SPON1: variants seen among roughly 807,000 people sequenced by gnomAD.
SPON1 encodes spondin 1, also known as spondin-1.
SPON1 carries 52 observed loss-of-function variants against 111.7 expected under a neutral mutation model. That is an observed-to-expected ratio of 0.47 (90% CI 0.37 to 0.59). SPON1 has a LOEUF of 0.59. Among genes scored for constraint, SPON1 ranks in the 20% least tolerant of loss-of-function variants. The pLI, the probability that SPON1 is intolerant of heterozygous loss-of-function variation, is 0.00. For synonymous variants in SPON1, 410 were observed against 395.8 expected (o/e 1.04, Z -0.43); for missense variants, 957 against 1,068.5 (o/e 0.90, Z 1.46).
At chr11:14,057,538 A>G (rs781909253) in intron 3 of SPON1, among the ~76,000 whole-genome samples, 12 of 152,170 alleles carry the variant, frequency 7.9e-5, no homozygotes, top group Non-Finnish European at 1.6e-4. Flanking sequence ...TCTCATGGTT[A>G]TATTGTGGTT....
intron 2 of SPON1, among the ~76,000 whole-genome samples, chr11:13,988,561 CT>C (rs1447334622): frequency 1.3e-5 from 2 of 152,266 alleles, no homozygotes; most frequent in East Asian, 3.9e-4. Flanking sequence ...TCTGATTGCC[CT>C]GGCTAGAACT....
chr11:13,980,970 TC>T (rs1554909569), intron 1 of SPON1, among the ~76,000 whole-genome samples: 1 of 152,190 alleles, frequency 6.6e-6, no homozygotes. Flanking sequence ...ATACTTGAGA[TC>T]CCTTGAAGGT....
chr11:14,001,973 A>G (rs568048568), intron 2 of SPON1, among the ~76,000 whole-genome samples: 1 of 152,312 alleles, frequency 6.6e-6, no homozygotes, highest in Admixed American at 6.5e-5. Context: ...TCAACATATC[A>G]GAGGAGGGAA....
chr11:14,226,208 C>T (rs1848737269), intron 6 of SPON1, among the ~76,000 whole-genome samples: 1 of 152,222 alleles, frequency 6.6e-6, no homozygotes, highest in Non-Finnish European at 1.5e-5. Flanking sequence ...GGATTCAGAT[C>T]AAGCTCTTCG....
chr11:13,977,653 G>T (rs1195554958), intron 1 of SPON1, among the ~76,000 whole-genome samples: 2 of 151,938 alleles, frequency 1.3e-5, no homozygotes, highest in Admixed American at 1.3e-4. Flanking sequence ...ACTCTTAATG[G>T]TATCTTTTGA....
rs1246034391 is a variant in SPON1 at position 14,157,463 on chromosome 11, T to G, written c.825+21895T>G. On this transcript the variant is annotated intron_variant, in intron 6 of 15. Transcript: ENST00000576479. The stretch of plus-strand genomic sequence containing the variant: ...TTTTTACATAGCTGCTTTTAAGATT[T>G]TGTCTTTATCTCTGATTGTCAGTAG... Among the ~76,000 whole-genome samples, 6 of 151,784 alleles carry G rather than the reference T, an allele frequency of 4.0e-5. No individual in the cohort carries two copies. The East Asian group carries it at 9.6e-4, about 24-fold the overall frequency.
intron 3 of SPON1, among the ~76,000 whole-genome samples, chr11:14,049,020 C>T (rs1919295): frequency 0.35 from 52,529 of 152,050 alleles, 10,525 homozygotes; most frequent in East Asian, 0.67. Flanking sequence ...GGGTGCACTA[C>T]AAATACTTAT....
intron 5 of SPON1, among the ~76,000 whole-genome samples, chr11:14,111,119 A>T (rs1554925420): frequency 6.6e-6 from 1 of 152,236 alleles, no homozygotes; most frequent in East Asian, 1.9e-4. Flanking sequence ...AATCTATATT[A>T]GTTAAATGCA....
chr11:14,113,580 T>A (rs1554925660), intron 5 of SPON1, among the ~76,000 whole-genome samples: 264 of 6,008 alleles, frequency 0.044, 54 homozygotes, highest in African/African-American at 0.069. Flanking sequence ...TTTTTTTTTT[T>A]TTTTTTTTTT....
chr11:14,009,432 C>T (rs1848388014), intron 2 of SPON1, among the ~76,000 whole-genome samples: 1 of 152,144 alleles, frequency 6.6e-6, no homozygotes, highest in Admixed American at 6.5e-5. Flanking sequence ...CTGCCCCAAC[C>T]CAACTTTTCC....
At chr11:14,211,679 T>C (rs1250487404) in intron 6 of SPON1, among the ~76,000 whole-genome samples, 5 of 152,216 alleles carry the variant, frequency 3.3e-5, no homozygotes, top group African/African-American at 1.2e-4. Flanking sequence ...TGCTTGTGTA[T>C]AATAATGTAT....
In SPON1 at chr11:13,963,152, C is replaced by T; in HGVS notation, c.238+10C>T. ...GGAACCAGCTACCGCGGTAAGTGGC[C>T]GCCCGGCGTGGCATTAGGAGAGCGG... is the stretch of plus-strand genomic sequence containing the variant. On this transcript the variant is annotated intron_variant, in intron 1 of 15. Coordinates refer to ENST00000576479, the MANE Select transcript of SPON1 (RefSeq NM_006108.4). 1.3e-6 allele frequency: 2 copies of T among 1,488,710 alleles called. No individual in the cohort carries two copies. Among genetic ancestry groups the T allele is most frequent in the South Asian group, 2.6e-5 (2 of 76,018 alleles). The allele number at this position is 1,488,710 out of a possible 1,614,324, so 92.2% of individuals were successfully genotyped here. A position where few individuals can be genotyped will look rare whatever the true frequency, so the allele number is the denominator to read the frequency against.
chr11:14,034,183 T>C (rs1192747022), intron 2 of SPON1, among the ~76,000 whole-genome samples: 3 of 152,152 alleles, frequency 2.0e-5, no homozygotes, highest in African/African-American at 7.2e-5. Flanking sequence ...TCTAAAGTAA[T>C]ACATCATCAT....
At position 14,091,999 on chromosome 11, in the gene SPON1, G is replaced by T. The variant is rs200393235; in HGVS notation, c.676+11978G>T. Among the ~76,000 whole-genome samples the T allele has an allele frequency of 1.4e-4, 22 of 152,290 alleles. No individual in the cohort carries two copies. In the East Asian group the frequency reaches 4.3e-3, roughly 29 times the overall value. ...CCCACCTTGTTTCTGCTCATCCTCT[G>T]TGGGCTGTACCCACTGCCTAACCAG... On this transcript the variant is annotated intron_variant, in intron 5 of 15. Coordinates refer to ENST00000576479, the MANE Select transcript of SPON1 (RefSeq NM_006108.4).
chr11:14,068,026 G>C lies in SPON1; in HGVS notation c.480-7319G>C, dbSNP rs544024246. Among the ~76,000 whole-genome samples, 25 of 152,362 alleles carry C rather than the reference G, an allele frequency of 1.6e-4. No individual in the cohort carries two copies. The South Asian group carries it at 1.9e-3, about 11-fold the overall frequency. On this transcript the variant is annotated intron_variant, in intron 3 of 15. Coordinates refer to ENST00000576479, the MANE Select transcript of SPON1 (RefSeq NM_006108.4). The stretch of plus-strand genomic sequence containing the variant: ...CAAACTTATGAGTAAATGAATGTCT[G>C]TCTGGTTTTAATACCTCTCACATCT...
intron 2 of SPON1, among the ~76,000 whole-genome samples, chr11:13,987,146 T>C (rs982289483): frequency 2.0e-5 from 3 of 152,220 alleles, no homozygotes; most frequent in Admixed American, 6.5e-5. Flanking sequence ...TACACTGTCT[T>C]CCACAATGGT....
At chr11:14,140,082 G>A (rs782529565) in intron 6 of SPON1, among the ~76,000 whole-genome samples, 15 of 152,122 alleles carry the variant, frequency 9.9e-5, no homozygotes, top group Non-Finnish European at 1.5e-4. Context: ...TATTTCCATA[G>A]AAGGTACTTA....
intron 1 of SPON1, 40 bp downstream of exon 1, chr11:13,963,182 C>T (rs782160394): frequency 2.1e-6 from 3 of 1,406,420 alleles, no homozygotes; most frequent in Non-Finnish European, 2.8e-6. Context: ...GAGCGGGACC[C>T]GGTCCCCGGA....
intron 6 of SPON1, among the ~76,000 whole-genome samples, chr11:14,183,904 C>G (rs781833332): frequency 3.4e-4 from 51 of 152,092 alleles, no homozygotes; most frequent in Non-Finnish European, 5.7e-4. Context: ...TATTCACCCC[C>G]TCACAGTACA....
Sources: allele counts gnomAD v4.1 joint callset (sites outside exome capture counted in the v4.1 genomes callset), GRCh38; gene constraint gnomAD v4.1.1; transcripts MANE v1.5; gene names NCBI Gene and HGNC (gene_info 2026-07-23, HGNC 2026-07-21).